The following SEC63 variants were observed in gnomAD, a reference collection of about 807,000 sequenced individuals.
SEC63 encodes translocation protein SEC63 homolog.
Under a neutral mutation model 116.2 loss-of-function variants are expected in SEC63, and 56 were observed. The ratio of observed to expected loss-of-function variants is 0.48; its 90% CI spans 0.39 to 0.60. The LOEUF (loss-of-function observed/expected upper bound fraction) is 0.60. SEC63 is among the 20% of genes least tolerant of loss of function. The pLI, the probability that SEC63 is intolerant of heterozygous loss-of-function variation, is 0.00. For missense variants in SEC63, 668 were observed against 900.0 expected, an observed-to-expected ratio of 0.74 and a Z score of 3.30; for synonymous variants, 273 against 294.6, an observed-to-expected ratio of 0.93 and a Z score of 0.75.
intron 17 of SEC63, among the ~76,000 whole-genome samples, chr6:107,881,625 C>T (rs1786416514): frequency 6.6e-6 from 1 of 152,130 alleles, no homozygotes; most frequent in African/African-American, 2.4e-5. Context: ...TCTCTGCCTA[C>T]TCATTATTAT....
chr6:107,944,240 T>C (rs930757357), intron 1 of SEC63, among the ~76,000 whole-genome samples: 3 of 152,018 alleles, frequency 2.0e-5, no homozygotes, highest in Admixed American at 6.6e-5. Flanking sequence ...GAAAAGACAG[T>C]TGTGATTAAT....
intron 1 of SEC63, among the ~76,000 whole-genome samples, chr6:107,952,110 A>G (rs1441786493): frequency 1.3e-5 from 2 of 152,168 alleles, no homozygotes; most frequent in Non-Finnish European, 2.9e-5. Context: ...AGAAATATTC[A>G]TTTTATTCAG....
rs201158760 is a variant in SEC63 at position 107,924,219 on chromosome 6, G to A, written c.339+599C>T. ...GCAGAGTTTGCAGTGAGCCGACGTC[G>A]TGCCACTGCACTCCAGCCTGGGCAA... On this transcript the variant is annotated intron_variant, in intron 3 of 20. Transcript: ENST00000369002. Among the ~76,000 whole-genome samples, 29 of 145,884 alleles carry A rather than the reference G, an allele frequency of 2.0e-4. No homozygotes were observed. In the East Asian group the frequency reaches 3.8e-3, roughly 19 times the overall value.
intron 4 of SEC63, 127 bp downstream of exon 4, chr6:107,921,670 T>C: frequency 1.4e-6 from 1 of 728,894 alleles, no homozygotes; most frequent in South Asian, 1.4e-5. Context: ...AGGGATGGTC[T>C]CAAACTCCTG....
At position 107,890,978 on chromosome 6, in the gene SEC63, C is replaced by T. The variant is rs192573526; in HGVS notation, c.1674+2504G>A. On this transcript the variant is annotated intron_variant, in intron 16 of 20. Transcript: ENST00000369002. Reference sequence around the variant, plus strand: ...GGCTTCCCTTTGTGGGTAACCCGATCTTTCTCTCTGGCTCCCTTTAACATT... The same window carrying T: ...GGCTTCCCTTTGTGGGTAACCCGATTTTTCTCTCTGGCTCCCTTTAACATT... 1.2e-3 allele frequency among the ~76,000 whole-genome samples: 189 copies of T among 152,342 alleles called. 4 individuals are homozygous for T. In the East Asian group the frequency reaches 0.029, roughly 23 times the overall value.
At chr6:107,932,803 G>T (rs1370218243) in intron 1 of SEC63, among the ~76,000 whole-genome samples, 3 of 152,128 alleles carry the variant, frequency 2.0e-5, no homozygotes, top group Non-Finnish European at 4.4e-5. Flanking sequence ...CTAGCATGCA[G>T]ATCTTGGCTT....
chr6:107,935,059 C>A lies in SEC63; in HGVS notation c.125-5545G>T, dbSNP rs564006529. ...GGTGAGGGGCGCCTCTGCCCAGCCG[C>A]CCCTACTGGGAAGTGAGGAGCCCCT... On this transcript the variant is annotated intron_variant, in intron 1 of 20. Transcript: ENST00000369002. Among the ~76,000 whole-genome samples the A allele has an allele frequency of 5.6e-3, 783 of 139,480 alleles. 3 individuals are homozygous for A. Among genetic ancestry groups the A allele is most frequent in the Middle Eastern group, 8.5e-3 (2 of 234 alleles). 91.5% of individuals were successfully genotyped at this position (139,480 alleles called of 152,430 possible).
intron 1 of SEC63, among the ~76,000 whole-genome samples, chr6:107,947,527 G>C (rs1038699705): frequency 6.6e-6 from 1 of 150,644 alleles, no homozygotes; most frequent in Non-Finnish European, 1.5e-5. Flanking sequence ...GAGCAGTGAT[G>C]GTGCCACTGC....
chr6:107,934,453 C>T (rs1365793636), intron 1 of SEC63, among the ~76,000 whole-genome samples: 1 of 146,048 alleles, frequency 6.8e-6, no homozygotes, highest in African/African-American at 2.6e-5. Flanking sequence ...GCGACCCCGT[C>T]TGGGAGGTGA....
intron 1 of SEC63, among the ~76,000 whole-genome samples, chr6:107,936,779 T>G (rs895791990): frequency 6.6e-6 from 1 of 152,220 alleles, no homozygotes; most frequent in African/African-American, 2.4e-5. Context: ...AGTGAACTCT[T>G]AGCACCATAA....
chr6:107,952,487 G>C (rs1291909130), intron 1 of SEC63, among the ~76,000 whole-genome samples: 2 of 152,340 alleles, frequency 1.3e-5, no homozygotes, highest in East Asian at 3.9e-4. Context: ...GCCGGGCACA[G>C]TGGCTCACAG....
intron 18 of SEC63, among the ~76,000 whole-genome samples, chr6:107,878,730 C>T (rs1162408102): frequency 6.6e-6 from 1 of 152,150 alleles, no homozygotes; most frequent in Non-Finnish European, 1.5e-5. Flanking sequence ...TGGCACATGC[C>T]TGCAATCCCA....
Position 107,867,950 on chromosome 6 carries a change from G to A in SEC63, c.*3754C>T, listed in dbSNP as rs1228800992. ...GTATACACCCCCACCTGAAACAATA[G>A]CCCTAAAGTATGTCAATGATTGTTA... is the stretch of plus-strand genomic sequence containing the variant. On this transcript the variant is annotated 3_prime_UTR_variant, in exon 21 of 21. Coordinates refer to ENST00000369002, the MANE Select transcript of SEC63 (RefSeq NM_007214.5). 1 of 152,022 alleles carries A rather than the reference G, an allele frequency of 6.6e-6. No individual in the cohort carries two copies. The highest frequency in any genetic ancestry group is 1.5e-5 in the Non-Finnish European group (1 of 67,998). The allele number at this position is 152,022 out of a possible 1,614,324, so 9.4% of individuals were successfully genotyped here.
intron 4 of SEC63, among the ~76,000 whole-genome samples, chr6:107,920,357 C>T (rs1285316769): frequency 1.5e-5 from 2 of 130,516 alleles, no homozygotes; most frequent in Non-Finnish European, 3.1e-5. Flanking sequence ...ACCTGGGAGG[C>T]AAAGCTTGCA....
In SEC63 at chr6:107,957,878, G is replaced by A; in HGVS notation, c.124+8C>T. The stretch of plus-strand genomic sequence containing the variant: ...GCGGGTTCGCGGGCAAAGGCCGGCG[G>A]GACTCACCGGCATTCTGATCTCGGG... On this transcript the variant is annotated splice_region_variant and intron_variant, in intron 1 of 20. Transcript: ENST00000369002. 1.2e-6 allele frequency: 2 copies of A among 1,609,984 alleles called. No homozygotes were observed. The highest frequency in any genetic ancestry group is 1.1e-5 in the South Asian group (1 of 90,920).
chr6:107,944,882 C>T (rs1348600362), intron 1 of SEC63, among the ~76,000 whole-genome samples: 3 of 152,026 alleles, frequency 2.0e-5, no homozygotes, highest in Non-Finnish European at 4.4e-5. Context: ...ACAGTGAACG[C>T]TTAATCAGTA....
intron 1 of SEC63, among the ~76,000 whole-genome samples, chr6:107,931,563 C>T (rs972181499): frequency 6.6e-6 from 1 of 150,658 alleles, no homozygotes; most frequent in Non-Finnish European, 1.5e-5. Context: ...TCCTAGCTAA[C>T]ACAGTGAAAC....
chr6:107,935,317 G>A (rs1380123982), intron 1 of SEC63, among the ~76,000 whole-genome samples: 14 of 151,826 alleles, frequency 9.2e-5, no homozygotes, highest in South Asian at 2.1e-4. Flanking sequence ...AGAACGGGCC[G>A]GGATGACAAT....
At chr6:107,881,102 G>A (rs553877910) in intron 18 of SEC63, 47 bp downstream of exon 18, 2 of 1,320,790 alleles carry the variant, frequency 1.5e-6, no homozygotes, top group East Asian at 2.3e-5. Flanking sequence ...AATCCCTGAG[G>A]AGAAAGTGAA....
Sources: gnomAD v4.1 joint callset for allele counts (sites outside exome capture counted in the v4.1 genomes callset) on GRCh38, gnomAD v4.1.1 for gene constraint, MANE v1.5 for transcripts, NCBI Gene and HGNC (gene_info 2026-07-23, HGNC 2026-07-21) for gene names.